The following IL12RB1 variants were observed in gnomAD, a reference collection of about 807,000 sequenced individuals.
IL12RB1 encodes the protein interleukin-12 receptor subunit beta-1.
A neutral mutation model predicts 94.4 loss-of-function variants in IL12RB1; 64 were observed. The ratio of observed to expected loss-of-function variants is 0.68; its 90% CI spans 0.55 to 0.83. The LOEUF (loss-of-function observed/expected upper bound fraction) is 0.83, where lower values mean the gene tolerates loss of function less well. Ranked by LOEUF, IL12RB1 falls within the 40% of genes least tolerant of loss-of-function variation. The probability of loss-of-function intolerance (pLI) is 0.00; values close to 1 mark genes in which losing one functional copy is unlikely to be tolerated. For missense variants in IL12RB1, 814 were observed against 855.6 expected, an observed-to-expected ratio of 0.95 and a Z score of 0.61; for synonymous variants, 362 against 355.5, an observed-to-expected ratio of 1.02 and a Z score of -0.21.
chr19:18,059,512 G>A lies in IL12RB1; in HGVS notation c.*96C>T, dbSNP rs1344378298. 8.0e-6 allele frequency: 6 copies of A among 745,458 alleles called. No homozygotes were observed. Among genetic ancestry groups the A allele is most frequent in the Middle Eastern group, 2.4e-4 (1 of 4,214 alleles). The allele number at this position is 745,458 out of a possible 1,614,324, so 46.2% of individuals were successfully genotyped here. On this transcript the variant is annotated 3_prime_UTR_variant, in exon 17 of 17. Coordinates refer to ENST00000593993, the MANE Select transcript of IL12RB1 (RefSeq NM_005535.3). ...GCAGAGAGGAGGCAGGTGCACTGGA[G>A]CCTGGAGGAGCTCTGGGTTATTTGG...
Position 18,080,955 on chromosome 19 carries a change from T to C in IL12RB1, c.286A>G (p.Arg96Gly), listed in dbSNP as rs2035857373. Residue 96 changes from arginine (R) to glycine (G), a missense_variant, in exon 4 of 17, where the codon AGG becomes GGG. Arg to Gly is a moderately radical substitution (Grantham distance 125). Transcript: ENST00000593993. Reference sequence around the variant, plus strand: ...CCAGCCTGGTCGGAGAACTGCAGCCTGGTGGCTGAGCCGGCGGCGAAGTAG... The same window carrying C: ...CCAGCCTGGTCGGAGAACTGCAGCCCGGTGGCTGAGCCGGCGGCGAAGTAG... The part of the protein sequence containing the change: ...CCYFAAGSAT[R>G]LQFSDQAGVS... 6.2e-7 allele frequency: 1 copy of C among 1,613,656 alleles called. No individual in the cohort carries two copies. Among genetic ancestry groups the C allele is most frequent in the African/African-American group, 1.3e-5 (1 of 74,860 alleles).
chr19:18,069,692 C>G lies in IL12RB1; in HGVS notation c.1043G>C (p.Ser348Thr). 6.2e-7 allele frequency: 1 copy of G among 1,612,536 alleles called. No homozygotes were observed. The change falls in exon 10 of 17, where the codon AGC becomes ACC. Residue 348 changes from serine (S) to threonine (T), a missense_variant. Ser to Thr is a moderately conservative substitution (Grantham distance 58). Transcript: ENST00000593993. ...THTEPVALNISVGTNGTTMYW... is the reference protein window; with the variant it reads ...THTEPVALNITVGTNGTTMYW... ...CATGGTGGTCCCGTTGGTTCCGACG[C>G]TGATATTCAGAGCCACTGGTTCTGG...
At chr19:18,080,771 G>T in intron 4 of IL12RB1, 61 bp downstream of exon 4, 1 of 1,116,578 alleles carries the variant, frequency 9.0e-7, no homozygotes, top group Non-Finnish European at 1.4e-6. Context: ...TCTAGCTCCA[G>T]CCTTGCAGCC....
At chr19:18,067,285 C>T (rs913787083) in intron 11 of IL12RB1, among the ~76,000 whole-genome samples, 2 of 141,392 alleles carry the variant, frequency 1.4e-5, no homozygotes, top group Non-Finnish European at 3.0e-5. Flanking sequence ...GATCGTGCCA[C>T]TGCACTCCAG....
At position 18,060,042 on chromosome 19, in the gene IL12RB1, G is replaced by A. The variant is rs111662740; in HGVS notation, c.1835C>T (p.Ser612Phe). Residue 612 changes from serine to phenylalanine, a missense_variant, in exon 16 of 17, where the codon TCC becomes TTC. Physicochemically the swap from Ser to Phe is radical, Grantham distance 155. Transcript: ENST00000593993. ...CTCTACCACCAGGGCCTCCTGCAGG[G>A]ATGCCTCTTCCTGGAAGTCCACTGG... ...INPVDFQEEA[S>F]LQEALVVEMS... 3 of 1,607,112 alleles carry A rather than the reference G, an allele frequency of 1.9e-6. No homozygotes were observed. The highest frequency in any genetic ancestry group is 2.7e-5 in the African/African-American group (2 of 74,938).
At position 18,069,642 on chromosome 19, in the gene IL12RB1, T is replaced by C. The variant is rs768373452; in HGVS notation, c.1093A>G (p.Met365Val). ...GGCTGCCATTCAATGCAATACGTCA[T>C]GCTCTGAGCCCGGGCTGGCCAATAC... is the stretch of plus-strand genomic sequence containing the variant. Reference protein sequence around the residue: ...TMYWPARAQSMTYCIEWQPVG... With the variant: ...TMYWPARAQSVTYCIEWQPVG... Residue 365 changes from methionine to valine, a missense_variant, in exon 10 of 17, where the codon ATG (methionine) becomes GTG (valine). By Grantham distance (21) the Met-to-Val change is conservative (BLOSUM62 1). Coordinates refer to ENST00000593993, the MANE Select transcript of IL12RB1 (RefSeq NM_005535.3). 1.2e-6 allele frequency: 2 copies of C among 1,613,428 alleles called. No homozygotes were observed. The highest frequency in any genetic ancestry group is 1.7e-6 in the Non-Finnish European group (2 of 1,179,648).
chr19:18,098,816 T>A (rs942390001), exon 1 of IL12RB1: 4 of 456,416 alleles, frequency 8.8e-6, no homozygotes, highest in South Asian at 4.6e-5. Context: ...CGGAGTGTTC[T>A]GCAACCTCTG....
upstream of IL12RB1, among the ~76,000 whole-genome samples, chr19:18,089,032 A>C (rs1296604389): frequency 1.3e-5 from 2 of 149,332 alleles, no homozygotes; most frequent in African/African-American, 2.4e-5. Context: ...CTCCATCTCA[A>C]AAAAAAAAAA....
chr19:18,076,028 C>T (rs1006177911), intron 6 of IL12RB1, among the ~76,000 whole-genome samples, 160 bp from the exon 7 acceptor site: 9 of 152,112 alleles, frequency 5.9e-5, no homozygotes, highest in Non-Finnish European at 1.0e-4. Context: ...CCTCTTAGGG[C>T]CTCCAGGATC....
rs1469311117 is a variant in IL12RB1, at chr19:18,062,119, T to G, written c.1715+62A>C. On this transcript the variant is annotated intron_variant, in intron 14 of 16. Transcript: ENST00000593993. ...CCCAATCTGCGGGCTAAGCTCCACT[T>G]TAGGGCTCCCCTGCCCAGCATCATT... The G allele has an allele frequency of 3.5e-6, 4 of 1,158,572 alleles. No individual in the cohort carries two copies. In the East Asian group the frequency reaches 9.4e-5, roughly 27 times the overall value. The allele number at this position is 1,158,572 out of a possible 1,614,324, so 71.8% of individuals were successfully genotyped here.
chr19:18,093,421 C>A (rs933695522), intron 1 of IL12RB1, among the ~76,000 whole-genome samples: 1 of 151,606 alleles, frequency 6.6e-6, no homozygotes, highest in African/African-American at 2.4e-5. Context: ...TTCAGTCAGT[C>A]CAGTCAGTCA....
upstream of IL12RB1, among the ~76,000 whole-genome samples, chr19:18,088,856 C>G (rs1331180047): frequency 6.6e-6 from 1 of 151,904 alleles, no homozygotes; most frequent in Non-Finnish European, 1.5e-5. Flanking sequence ...AAGGCGAAAC[C>G]CTGTCTCTAC....
chr19:18,083,837 A>G (rs1350495694), intron 1 of IL12RB1, among the ~76,000 whole-genome samples: 1 of 147,546 alleles, frequency 6.8e-6, no homozygotes, highest in Non-Finnish European at 1.5e-5. Flanking sequence ...CCATCCATCC[A>G]TGTACTCATC....
chr19:18,076,231 A>G, intron 6 of IL12RB1, 66 bp downstream of exon 6: 1 of 827,662 alleles, frequency 1.2e-6, no homozygotes, highest in Middle Eastern at 2.2e-4. Flanking sequence ...GACCTGGCAT[A>G]CAGTAGGTGC....
At chr19:18,072,750 A>G (rs1041625146) in intron 8 of IL12RB1, among the ~76,000 whole-genome samples, 5 of 152,036 alleles carry the variant, frequency 3.3e-5, no homozygotes, top group Non-Finnish European at 7.4e-5. Context: ...GATTGAGACC[A>G]TCCTGGCTAA....
At position 18,085,355 on chromosome 19, in the gene IL12RB1, G is replaced by A. The variant is rs966567220; in HGVS notation, c.64+1405C>T. Among the ~76,000 whole-genome samples, 11 of 6,858 alleles carry A rather than the reference G, an allele frequency of 1.6e-3. No homozygotes were observed. The South Asian group carries it at 0.019, about 12-fold the overall frequency. The allele number at this position is 6,858 out of a possible 152,430, so 4.5% of individuals were successfully genotyped here. On this transcript the variant is annotated intron_variant, in intron 1 of 16. Transcript: ENST00000593993. ...AACCCCCACCCACCCACCCACCCCT[G>A]AGAGCCTAAAGCCCATCCTCCTTCC... is the stretch of plus-strand genomic sequence containing the variant.
chr19:18,076,775 T>C (rs1599526831), intron 5 of IL12RB1, among the ~76,000 whole-genome samples: 1 of 152,172 alleles, frequency 6.6e-6, no homozygotes, highest in East Asian at 1.9e-4. Flanking sequence ...GAACCTTCTC[T>C]AGGTTCAAAC....
At chr19:18,060,768 G>T (rs17879897) in intron 15 of IL12RB1, among the ~76,000 whole-genome samples, 2 of 152,050 alleles carry the variant, frequency 1.3e-5, no homozygotes, top group Admixed American at 1.3e-4. Context: ...CCAGTTAATG[G>T]GGAAAATGGA....
At chr19:18,098,260 C>T (rs984046456) in intron 1 of IL12RB1, among the ~76,000 whole-genome samples, 2 of 152,182 alleles carry the variant, frequency 1.3e-5, no homozygotes, top group Non-Finnish European at 2.9e-5. Flanking sequence ...CTCAGCTCAG[C>T]CCTACGACGA....
Sources: gnomAD v4.1 joint callset for allele counts (sites outside exome capture counted in the v4.1 genomes callset) on GRCh38, gnomAD v4.1.1 for gene constraint, MANE v1.5 for transcripts, NCBI Gene and HGNC (gene_info 2026-07-23, HGNC 2026-07-21) for gene names.